Variants in NUP133 observed in about 807,000 individuals in gnomAD.
The protein encoded by NUP133 is nucleoporin 133, also known as nuclear pore complex protein Nup133.
In NUP133, 66 loss-of-function variants were observed where a neutral mutation model predicts 146.2. That is an observed-to-expected ratio of 0.45 (90% CI 0.37 to 0.55). The LOEUF is 0.55. Among genes scored for constraint, NUP133 ranks in the 20% least tolerant of loss-of-function variants. The pLI is 0.00. For synonymous variants in NUP133, 521 were observed against 498.8 expected (o/e 1.04, Z -0.59); for missense variants, 1,277 against 1,374.8 (o/e 0.93, Z 1.12).
intron 24 of NUP133, among the ~76,000 whole-genome samples, chr1:229,446,144 T>A (rs1028787076): frequency 6.6e-6 from 1 of 152,176 alleles, no homozygotes; most frequent in Admixed American, 6.5e-5. Flanking sequence ...CGGTGGCTCA[T>A]GTCTGTAATC....
chr1:229,451,648 T>C (rs1269510401), intron 22 of NUP133, among the ~76,000 whole-genome samples: 2 of 152,248 alleles, frequency 1.3e-5, no homozygotes, highest in South Asian at 2.1e-4. Context: ...TTTTTAAAAA[T>C]TGTATGTGTA....
intron 19 of NUP133, 65 bp downstream of exon 19, chr1:229,463,478 T>C (rs7525324): frequency 0.16 from 245,296 of 1,520,996 alleles, 20,505 homozygotes; most frequent in Middle Eastern, 0.23. Context: ...AGATTTGAAA[T>C]GGCAAAGCCA....
intron 13 of NUP133, 85 bp from the exon 14 acceptor site, chr1:229,475,817 T>G (rs1661061431): frequency 8.6e-7 from 1 of 1,158,538 alleles, no homozygotes; most frequent in African/African-American, 1.5e-5. Flanking sequence ...GCTATTAAAA[T>G]AAAAAGCTAA....
At chr1:229,442,444 A>G (rs557111726) in intron 25 of NUP133, among the ~76,000 whole-genome samples, 1 of 152,332 alleles carries the variant, frequency 6.6e-6, no homozygotes, top group South Asian at 2.1e-4. Context: ...TATAAATCTA[A>G]AATTAGATAG....
intron 15 of NUP133, among the ~76,000 whole-genome samples, chr1:229,469,286 GCCT>G (rs1313026188): frequency 1.3e-5 from 2 of 152,330 alleles, no homozygotes; most frequent in Non-Finnish European, 2.9e-5. Flanking sequence ...CTGCCTTGCT[GCCT>G]CATCAGGCTG....
chr1:229,500,925 T>C, intron 3 of NUP133, 62 bp from the exon 4 acceptor site: 1 of 971,162 alleles, frequency 1.0e-6, no homozygotes, highest in Admixed American at 2.1e-5. Flanking sequence ...AAGATGCATC[T>C]GATTTCCCTT....
Position 229,470,704 on chromosome 1 carries a change from A to G in NUP133, c.1952T>C (p.Ile651Thr). 6.2e-7 allele frequency: 1 copy of G among 1,614,222 alleles called. No individual in the cohort carries two copies. Among genetic ancestry groups the G allele is most frequent in the African/African-American group, 1.3e-5 (1 of 75,062 alleles). The change falls in exon 15 of 26, where the codon ATT (isoleucine) becomes ACT (threonine). Residue 651 changes from isoleucine (I) to threonine (T), a missense_variant. Around this residue, in one of 3 missense-constraint regions of NUP133, gnomAD observed 952 missense variants for 1,047.0 expected, o/e 0.91. Coordinates refer to ENST00000261396, the MANE Select transcript of NUP133 (RefSeq NM_018230.3). The part of the protein sequence containing the change: ...CEHAEKLSAA[I>T]VLKNHHSRLS... ...CCGGGAGTGGTGGTTCTTGAGAACA[A>G]TGGCGGCTGACAGCTTTTCGGCATG...
At position 229,441,662 on chromosome 1, in the gene NUP133, A is replaced by C; in HGVS notation, c.*242T>G. ...AACCTGGGACCACGTGAGAGTAAAA[A>C]GAAAGGGCACCGAGTACAGGAACAA... On this transcript the variant is annotated 3_prime_UTR_variant, in exon 26 of 26. Coordinates refer to ENST00000261396, the MANE Select transcript of NUP133 (RefSeq NM_018230.3). The C allele has an allele frequency of 2.5e-6, 1 of 402,602 alleles. No homozygotes were observed. The highest frequency in any genetic ancestry group is 4.6e-6 in the Non-Finnish European group (1 of 218,234). The allele number at this position is 402,602 out of a possible 1,614,324, so 24.9% of individuals were successfully genotyped here.
chr1:229,474,118 C>T (rs76383775), intron 14 of NUP133, among the ~76,000 whole-genome samples: 7,046 of 152,196 alleles, frequency 0.046, 440 homozygotes, highest in African/African-American at 0.12. Flanking sequence ...GCAGGATGAG[C>T]GACTAAATGG....
intron 12 of NUP133, among the ~76,000 whole-genome samples, chr1:229,482,695 C>T (rs905811077): frequency 5.3e-5 from 8 of 152,190 alleles, no homozygotes; most frequent in South Asian, 2.1e-4. Flanking sequence ...CCACCCCATA[C>T]GCGCATCTGC....
chr1:229,468,733 T>G lies in NUP133; in HGVS notation c.2076+1847A>C, dbSNP rs12059923. ...CTTACAAGTAGTCTGTAATTAATTT[T>G]AAAAAATTGTCTTATCATATAAAAT... is the stretch of plus-strand genomic sequence containing the variant. On this transcript the variant is annotated intron_variant, in intron 15 of 25. Coordinates refer to ENST00000261396, the MANE Select transcript of NUP133 (RefSeq NM_018230.3). Among the ~76,000 whole-genome samples, 607 of 152,248 alleles carry G rather than the reference T, an allele frequency of 4.0e-3. 3 individuals carry two copies. Among genetic ancestry groups the G allele is most frequent in the African/African-American group, 0.014 (575 of 41,532 alleles).
At chr1:229,504,269 G>A (rs1474746700) in intron 2 of NUP133, among the ~76,000 whole-genome samples, 1 of 152,068 alleles carries the variant, frequency 6.6e-6, no homozygotes. Context: ...CATATGAGAT[G>A]CATTCTATTT....
intron 8 of NUP133, among the ~76,000 whole-genome samples, chr1:229,494,174 C>T (rs1156415643): frequency 2.0e-5 from 3 of 152,032 alleles, no homozygotes; most frequent in African/African-American, 7.3e-5. Flanking sequence ...TATTATATGC[C>T]CATAGTGGGC....
At chr1:229,480,581 A>T (rs1239722456) in intron 12 of NUP133, among the ~76,000 whole-genome samples, 1 of 152,232 alleles carries the variant, frequency 6.6e-6, no homozygotes, top group Non-Finnish European at 1.5e-5. Context: ...ACAGACAGTC[A>T]CACTTAAAAG....
At chr1:229,470,474 G>T in intron 15 of NUP133, 106 bp downstream of exon 15, 1 of 907,590 alleles carries the variant, frequency 1.1e-6, no homozygotes. Context: ...TAAAATTTCA[G>T]TGAGATCTTT....
intron 8 of NUP133, among the ~76,000 whole-genome samples, chr1:229,492,119 T>C (rs1661536121): frequency 6.6e-6 from 1 of 152,022 alleles, no homozygotes; most frequent in African/African-American, 2.4e-5. Flanking sequence ...TTTTTTTTTT[T>C]TTTTGAGGCG....
At chr1:229,451,731 A>G (rs1209127255) in intron 22 of NUP133, among the ~76,000 whole-genome samples, 1 of 152,160 alleles carries the variant, frequency 6.6e-6, no homozygotes, top group African/African-American at 2.4e-5. Context: ...GTCTTACAGC[A>G]CTCAAAAGAT....
chr1:229,475,016 T>C (rs888315774), intron 14 of NUP133, among the ~76,000 whole-genome samples: 4 of 152,006 alleles, frequency 2.6e-5, no homozygotes, highest in African/African-American at 9.7e-5. Flanking sequence ...GTGAGAGGAC[T>C]GCTTGAGCCT....
chr1:229,484,739 A>G (rs929266849), intron 11 of NUP133, among the ~76,000 whole-genome samples: 2 of 152,232 alleles, frequency 1.3e-5, no homozygotes, highest in African/African-American at 4.8e-5. Flanking sequence ...GGAATACTAT[A>G]AAATTGCTTC....
Sources: gnomAD v4.1 joint callset for allele counts (sites outside exome capture counted in the v4.1 genomes callset) on GRCh38, gnomAD v4.1.1 for gene constraint, gnomAD v4.1.1 regional missense constraint, MANE v1.5 for transcripts, NCBI Gene and HGNC (gene_info 2026-07-23, HGNC 2026-07-21) for gene names.